The following PKN2 variants were observed in gnomAD, a reference collection of about 807,000 sequenced individuals.
The protein encoded by PKN2 is serine/threonine-protein kinase N2.
Under a neutral mutation model 119.1 loss-of-function variants are expected in PKN2, and 38 were observed. The observed-to-expected ratio is 0.32, with a 90% confidence interval of 0.25 to 0.42. PKN2 has a LOEUF of 0.42. Ranked by LOEUF, PKN2 falls within the 10% of genes least tolerant of loss-of-function variation. PKN2 has a pLI of 1.00. For missense variants in PKN2, 850 were observed against 1,165.1 expected, an observed-to-expected ratio of 0.73 and a Z score of 3.94; for synonymous variants, 390 against 384.9, an observed-to-expected ratio of 1.01 and a Z score of -0.15.
At chr1:88,760,039 G>A in intron 2 of PKN2, among the ~76,000 whole-genome samples, 183 bp from the exon 3 acceptor site, 1 of 144,512 alleles carries the variant, frequency 6.9e-6, no homozygotes, top group South Asian at 2.1e-4. Context: ...TTGCAACTCA[G>A]ATACGTGTTT....
chr1:88,755,950 G>A (rs974514547), intron 2 of PKN2, among the ~76,000 whole-genome samples: 6 of 146,636 alleles, frequency 4.1e-5, no homozygotes, highest in African/African-American at 1.5e-4. Flanking sequence ...GTCTCGCTCT[G>A]TCACCAGGCT....
At chr1:88,723,375 A>T (rs2100710146) in intron 1 of PKN2, among the ~76,000 whole-genome samples, 1 of 151,206 alleles carries the variant, frequency 6.6e-6, no homozygotes, top group Admixed American at 6.6e-5. Context: ...GGCCTCCTAA[A>T]GTGCTGGGAT....
intron 15 of PKN2, among the ~76,000 whole-genome samples, chr1:88,811,024 C>T (rs1671762960): frequency 6.6e-6 from 1 of 152,104 alleles, no homozygotes; most frequent in South Asian, 2.1e-4. Flanking sequence ...TTCAAATCAA[C>T]CTCTTTTTAA....
chr1:88,813,470 A>G (rs1671860803), intron 15 of PKN2, 87 bp from the exon 16 acceptor site: 1 of 987,380 alleles, frequency 1.0e-6, no homozygotes, highest in Non-Finnish European at 1.4e-6. Context: ...AATTTTGCTT[A>G]TTTTTAAGTT....
chr1:88,814,301 A>C (rs1006726166), intron 16 of PKN2, among the ~76,000 whole-genome samples: 1 of 152,214 alleles, frequency 6.6e-6, no homozygotes, highest in Non-Finnish European at 1.5e-5. Context: ...TTTGAATTCA[A>C]GGTTTGGCTT....
Position 88,807,436 on chromosome 1 carries a change from G to A in PKN2, c.1927G>A (p.Asp643Asn), listed in dbSNP as rs1173659133. The A allele has an allele frequency of 3.1e-6, 5 of 1,610,282 alleles. No homozygotes were observed. The highest frequency in any genetic ancestry group is 4.2e-6 in the Non-Finnish European group (5 of 1,178,600). Residue 643 changes from aspartate (D) to asparagine (N), a missense_variant, in exon 13 of 22, where the codon GAC (aspartate) becomes AAC (asparagine). This residue lies in a region of PKN2 where 216 missense variants were observed against 252.8 expected (regional missense o/e 0.85). Coordinates refer to ENST00000370521, the MANE Select transcript of PKN2 (RefSeq NM_006256.4). ...ATATAGTGGTATTCAAGAACTTGAG[G>A]ACAGAAGGTAAAGAATATATACCAA... is the stretch of plus-strand genomic sequence containing the variant. Reference protein sequence around the residue: ...LEYSGIQELEDRRSQQRFQFN... With the variant: ...LEYSGIQELENRRSQQRFQFN...
At chr1:88,745,571 C>T (rs1009675508) in intron 2 of PKN2, among the ~76,000 whole-genome samples, 2 of 151,814 alleles carry the variant, frequency 1.3e-5, no homozygotes, top group African/African-American at 2.4e-5. Flanking sequence ...ATATAGAAAA[C>T]GATGAAAGAA....
chr1:88,742,253 T>A (rs144433334), intron 2 of PKN2, among the ~76,000 whole-genome samples: 2 of 152,290 alleles, frequency 1.3e-5, no homozygotes, highest in African/African-American at 4.8e-5. Flanking sequence ...AAATAATAGA[T>A]GTAAGTAATT....
At chr1:88,726,107 G>A (rs1667888063) in intron 1 of PKN2, among the ~76,000 whole-genome samples, 1 of 151,894 alleles carries the variant, frequency 6.6e-6, no homozygotes, top group African/African-American at 2.4e-5. Context: ...ACATTCCTTG[G>A]GATTTTCTAT....
At chr1:88,752,287 T>TC (rs1185970913) in intron 2 of PKN2, among the ~76,000 whole-genome samples, 1 of 152,148 alleles carries the variant, frequency 6.6e-6, no homozygotes, top group East Asian at 1.9e-4. Flanking sequence ...TGCTAGAGCT[T>TC]CTATTTTGTT....
At chr1:88,723,490 C>T (rs1021049770) in intron 1 of PKN2, among the ~76,000 whole-genome samples, 1 of 144,954 alleles carries the variant, frequency 6.9e-6, no homozygotes, top group Non-Finnish European at 1.5e-5. Flanking sequence ...GGCGCGGTCT[C>T]GGCTCACTGC....
chr1:88,759,168 G>A (rs952022948), intron 2 of PKN2, among the ~76,000 whole-genome samples: 1 of 152,190 alleles, frequency 6.6e-6, no homozygotes, highest in Non-Finnish European at 1.5e-5. Context: ...TTCGAGAGCA[G>A]CCTGACCAAC....
chr1:88,791,342 C>T (rs1273545805), intron 8 of PKN2, among the ~76,000 whole-genome samples: 1 of 151,114 alleles, frequency 6.6e-6, no homozygotes, highest in Non-Finnish European at 1.5e-5. Context: ...GAGGCTGAGG[C>T]ATGCGAATTG....
chr1:88,781,288 T>C, intron 6 of PKN2: 2 of 361,518 alleles, frequency 5.5e-6, no homozygotes, highest in Non-Finnish European at 9.4e-6. Context: ...CTACTTTGAA[T>C]AAGGTATAAT....
At chr1:88,696,924 C>A (rs1362537862) in intron 1 of PKN2, among the ~76,000 whole-genome samples, 1 of 152,104 alleles carries the variant, frequency 6.6e-6, no homozygotes, top group African/African-American at 2.4e-5. Context: ...ACCACACTCC[C>A]TATCTTTGCA....
At chr1:88,813,785 T>C in intron 16 of PKN2, 52 bp downstream of exon 16, 1 of 1,393,404 alleles carries the variant, frequency 7.2e-7, no homozygotes, top group Non-Finnish European at 9.7e-7. Context: ...GATTTCATTC[T>C]GGGAAGGAAA....
intron 3 of PKN2, among the ~76,000 whole-genome samples, chr1:88,769,262 A>G (rs981061280): frequency 6.6e-6 from 1 of 152,130 alleles, no homozygotes; most frequent in Non-Finnish European, 1.5e-5. Context: ...AGAAGGTCTC[A>G]TTTTTTGACA....
chr1:88,805,291 A>T (rs1381325595), intron 10 of PKN2, among the ~76,000 whole-genome samples: 3 of 152,148 alleles, frequency 2.0e-5, no homozygotes, highest in African/African-American at 4.8e-5. Context: ...AGAAAAAAAC[A>T]ATTTCTTACC....
intron 10 of PKN2, among the ~76,000 whole-genome samples, chr1:88,805,200 C>T (rs1050061499): frequency 6.6e-6 from 1 of 152,014 alleles, no homozygotes; most frequent in African/African-American, 2.4e-5. Context: ...ACCCAGACAT[C>T]ATATTGATGT....
Sources: allele counts gnomAD v4.1 joint callset (sites outside exome capture counted in the v4.1 genomes callset), GRCh38; gene constraint gnomAD v4.1.1; regional missense constraint gnomAD v4.1.1; transcripts MANE v1.5; gene names NCBI Gene and HGNC (gene_info 2026-07-23, HGNC 2026-07-21).